Variants in GPR158 observed in about 807,000 individuals in gnomAD.
GPR158 encodes the protein G protein-coupled receptor 158.
Under a neutral mutation model 78.2 loss-of-function variants are expected in GPR158, and 30 were observed. That is an observed-to-expected ratio of 0.38 (90% CI 0.29 to 0.52). GPR158 has a LOEUF of 0.52. Ranked by LOEUF, GPR158 falls within the 20% of genes least tolerant of loss-of-function variation. The probability of loss-of-function intolerance (pLI) is 0.83; values close to 1 mark genes in which losing one functional copy is unlikely to be tolerated. For missense variants in GPR158, 1,463 were observed against 1,523.5 expected, an observed-to-expected ratio of 0.96 and a Z score of 0.66; for synonymous variants, 581 against 591.1, an observed-to-expected ratio of 0.98 and a Z score of 0.25.
intron 4 of GPR158, among the ~76,000 whole-genome samples, chr10:25,422,225 C>A (rs920740409): frequency 3.9e-5 from 6 of 152,070 alleles, no homozygotes; most frequent in Admixed American, 2.6e-4. Context: ...TTGAACATGG[C>A]CCACTTTTTG....
intron 2 of GPR158, among the ~76,000 whole-genome samples, chr10:25,339,380 AT>A (rs1437305653): frequency 2.6e-5 from 4 of 152,102 alleles, no homozygotes; most frequent in Non-Finnish European, 4.4e-5. Flanking sequence ...AATAAAATTG[AT>A]TAGTAGTTCT....
rs748572864 is a variant in GPR158 at position 25,175,747 on chromosome 10, G to A, written c.327G>A (p.Pro109=). ...CSGRYELAGL[P]GKWPALASAH... ...GCCGCTACGAGTTGGCGGGCCTGCC[G>A]GGGAAGTGGCCAGCCCTGGCCAGCG... is the stretch of plus-strand genomic sequence containing the variant. The change falls in exon 1 of 11, where the codon CCG becomes CCA. Residue 109 remains proline (P), a synonymous_variant. Transcript: ENST00000376351. This position sits in a 1 kb window ranked among gnomAD's most constrained non-coding sequence, Gnocchi z 6.4. 6 of 1,611,264 alleles carry A rather than the reference G, an allele frequency of 3.7e-6. No individual in the cohort carries two copies. The Admixed American group carries it at 5.0e-5, about 13-fold the overall frequency.
At chr10:25,580,330 T>G (rs530116468) in intron 7 of GPR158, among the ~76,000 whole-genome samples, 31 of 152,348 alleles carry the variant, frequency 2.0e-4, no homozygotes, top group African/African-American at 7.5e-4. Context: ...TTGACATGCT[T>G]TTCTCCTTTG....
At chr10:25,231,123 T>G (rs564026240) in intron 2 of GPR158, among the ~76,000 whole-genome samples, 1 of 152,356 alleles carries the variant, frequency 6.6e-6, no homozygotes, top group South Asian at 2.1e-4. Flanking sequence ...CTGATTTTTC[T>G]CTGTGATAAT....
chr10:25,433,536 G>GTGTATGTGTGTGTGTGT, intron 4 of GPR158, among the ~76,000 whole-genome samples: 1 of 131,952 alleles, frequency 7.6e-6, no homozygotes, highest in Middle Eastern at 4.0e-3. Flanking sequence ...TTAGGGGTGT[G>GTGTATGTGTGTGTGTGT]TGTGTGTGTG....
intron 4 of GPR158, among the ~76,000 whole-genome samples, chr10:25,463,391 TTGTCTGGA>T (rs1480542327): frequency 5.7e-5 from 8 of 139,154 alleles, no homozygotes; most frequent in Admixed American, 2.2e-4. Context: ...TTTCTGAGGT[TTGTCTGGA>T]TGGATGGATG....
chr10:25,375,566 G>C (rs1834066857), intron 2 of GPR158, among the ~76,000 whole-genome samples: 1 of 151,332 alleles, frequency 6.6e-6, no homozygotes, highest in Non-Finnish European at 1.5e-5. Context: ...GTGAATTTTA[G>C]GTCAGTTTTT....
chr10:25,562,633 A>C (rs1836874134), intron 6 of GPR158, among the ~76,000 whole-genome samples: 1 of 152,208 alleles, frequency 6.6e-6, no homozygotes, highest in South Asian at 2.1e-4. Flanking sequence ...TGGTCAGAGA[A>C]GATACTTTGT....
intron 5 of GPR158, among the ~76,000 whole-genome samples, chr10:25,540,132 G>A (rs917419339): frequency 6.6e-6 from 1 of 152,214 alleles, no homozygotes; most frequent in African/African-American, 2.4e-5. Context: ...AGTGGGCGAA[G>A]GATATGAACA....
chr10:25,397,371 G>T (rs1240940207), intron 3 of GPR158, among the ~76,000 whole-genome samples: 3 of 152,202 alleles, frequency 2.0e-5, no homozygotes, highest in African/African-American at 7.2e-5. Context: ...GGTAACAGGG[G>T]TGGTTTCATG....
At chr10:25,482,064 A>T (rs1055492967) in intron 5 of GPR158, among the ~76,000 whole-genome samples, 4 of 152,098 alleles carry the variant, frequency 2.6e-5, no homozygotes, top group Non-Finnish European at 4.4e-5. Flanking sequence ...TTTTTTAGCT[A>T]GTGTGCCACA....
intron 4 of GPR158, among the ~76,000 whole-genome samples, chr10:25,455,090 ATTAT>A (rs1198920497): frequency 6.6e-6 from 1 of 152,204 alleles, no homozygotes; most frequent in Non-Finnish European, 1.5e-5. Flanking sequence ...ACATTGGTAA[ATTAT>A]TTATTATATT....
At chr10:25,531,651 G>A (rs1220276376) in intron 5 of GPR158, among the ~76,000 whole-genome samples, 1 of 152,210 alleles carries the variant, frequency 6.6e-6, no homozygotes, top group Non-Finnish European at 1.5e-5. Flanking sequence ...ATTTGCCATT[G>A]AGGGAATTTA....
intron 2 of GPR158, among the ~76,000 whole-genome samples, chr10:25,376,408 T>C (rs1834080257): frequency 6.6e-6 from 1 of 151,676 alleles, no homozygotes; most frequent in Non-Finnish European, 1.5e-5. Flanking sequence ...TATACAGTTT[T>C]ACAAATTGAT....
At chr10:25,425,725 TG>T (rs1834811705) in intron 4 of GPR158, among the ~76,000 whole-genome samples, 1 of 152,056 alleles carries the variant, frequency 6.6e-6, no homozygotes, top group African/African-American at 2.4e-5. Context: ...TCCCATTTTA[TG>T]GGTTATTTCT....
intron 2 of GPR158, among the ~76,000 whole-genome samples, chr10:25,322,885 C>T (rs561785236): frequency 6.6e-6 from 1 of 152,038 alleles, no homozygotes; most frequent in Non-Finnish European, 1.5e-5. Flanking sequence ...CTCGCTCTGT[C>T]ACCCAGGCTA....
At chr10:25,221,303 G>C (rs1166965477) in intron 2 of GPR158, 146 bp downstream of exon 2, 1 of 514,560 alleles carries the variant, frequency 1.9e-6, no homozygotes, top group African/African-American at 2.0e-5. Context: ...ACTAAAATAG[G>C]AGTAGAAAAT....
chr10:25,249,619 G>A (rs1774851749), intron 2 of GPR158, among the ~76,000 whole-genome samples: 1 of 151,422 alleles, frequency 6.6e-6, no homozygotes, highest in African/African-American at 2.4e-5. Flanking sequence ...TACATTTATT[G>A]ATTTGCGTAT....
chr10:25,395,002 A>G (rs1773604), intron 2 of GPR158, among the ~76,000 whole-genome samples: 115,273 of 151,976 alleles, frequency 0.76, 44,560 homozygotes, highest in Non-Finnish European at 0.81. Context: ...TCATGGTAGA[A>G]CAATATCATG....
Sources: gnomAD v4.1 joint callset for allele counts (sites outside exome capture counted in the v4.1 genomes callset) on GRCh38, gnomAD v4.1.1 for gene constraint, Gnocchi (gnomAD v3.1) non-coding constraint, MANE v1.5 for transcripts, NCBI Gene and HGNC (gene_info 2026-07-23, HGNC 2026-07-21) for gene names.